The following TEX2 variants were observed in gnomAD, a reference collection of about 807,000 sequenced individuals.
TEX2 encodes testis expressed 2.
Under a neutral mutation model 106.9 loss-of-function variants are expected in TEX2, and 53 were observed. The observed-to-expected ratio is 0.50, with a 90% confidence interval of 0.40 to 0.62. TEX2 has a LOEUF of 0.62. Among genes scored for constraint, TEX2 ranks in the 20% least tolerant of loss-of-function variants. TEX2 has a pLI of 0.00. For synonymous variants in TEX2, 523 were observed against 534.8 expected (o/e 0.98, Z 0.30); for missense variants, 1,207 against 1,379.0 (o/e 0.88, Z 1.98).
intron 1 of TEX2, among the ~76,000 whole-genome samples, chr17:64,250,686 T>C (rs1162396848): frequency 6.6e-6 from 1 of 152,200 alleles, no homozygotes; most frequent in African/African-American, 2.4e-5. Context: ...CTCACTTTTT[T>C]ATTTTTTTTA....
At chr17:64,171,748 G>A (rs2031409739) in intron 6 of TEX2, among the ~76,000 whole-genome samples, 1 of 152,162 alleles carries the variant, frequency 6.6e-6, no homozygotes, top group South Asian at 2.1e-4. Flanking sequence ...GGAGGCCAAG[G>A]TGGATGGATC....
At chr17:64,212,468 G>T in intron 2 of TEX2, 106 bp downstream of exon 2, 1 of 1,055,110 alleles carries the variant, frequency 9.5e-7, no homozygotes, top group Non-Finnish European at 1.4e-6. Flanking sequence ...TAAAAAACAC[G>T]GCCTGTGCAA....
At chr17:64,170,968 C>G (rs2031365826) in intron 7 of TEX2, 132 bp downstream of exon 7, 1 of 726,896 alleles carries the variant, frequency 1.4e-6, no homozygotes, top group African/African-American at 1.8e-5. Context: ...CTGGTAAGAA[C>G]AGAAAGACAC....
At chr17:64,242,690 T>C (rs2033909652) in intron 1 of TEX2, among the ~76,000 whole-genome samples, 1 of 152,052 alleles carries the variant, frequency 6.6e-6, no homozygotes, top group Non-Finnish European at 1.5e-5. Context: ...AGGACACAAA[T>C]CCAACATATG....
chr17:64,155,088 A>G, intron 8 of TEX2, 121 bp from the exon 9 acceptor site: 1 of 1,225,356 alleles, frequency 8.2e-7, no homozygotes, highest in Non-Finnish European at 1.1e-6. Context: ...ACTGTTAACT[A>G]CATCTCGTCA....
chr17:64,218,261 C>A (rs1391693526), intron 1 of TEX2, among the ~76,000 whole-genome samples: 2 of 151,884 alleles, frequency 1.3e-5, no homozygotes, highest in African/African-American at 4.8e-5. Flanking sequence ...AAAAAAAAGT[C>A]TGAAAGGCTT....
rs112856108 is a variant in TEX2 at position 64,219,597 on chromosome 17, T to C, written c.-25-5355A>G. Among the ~76,000 whole-genome samples, 169 of 152,136 alleles carry C rather than the reference T, an allele frequency of 1.1e-3. 1 individual carries two copies. Among genetic ancestry groups the C allele is most frequent in the Non-Finnish European group, 1.9e-3 (127 of 68,006 alleles). ...GGCAAGCAGACCAGTTTTAAGGCTA[T>C]TCTGGCAGCCAAAGCATGATGTAAG... On this transcript the variant is annotated intron_variant, in intron 1 of 11. Coordinates refer to ENST00000584379, the MANE Select transcript of TEX2 (RefSeq NM_001288732.2).
rs1477779711 is a variant in TEX2 at position 64,153,786 on chromosome 17, GC to G, written c.2931-633del. Among the ~76,000 whole-genome samples the G allele has an allele frequency of 3.9e-5, 6 of 152,122 alleles. No homozygotes were observed. Among genetic ancestry groups the G allele is most frequent in the Non-Finnish European group, 5.9e-5 (4 of 68,014 alleles). On this transcript the variant is annotated intron_variant, in intron 9 of 11. Transcript: ENST00000584379. The surrounding 1 kb of genome is among the most constrained non-coding windows in gnomAD (Gnocchi z 4.1). The stretch of plus-strand genomic sequence containing the variant: ...TCTACAAAAAACAAACAGAAAATTA[GC>G]CAGGAGTGGTGGTGTGCATCTGTAG...
At chr17:64,188,606 G>A (rs1004761092) in intron 4 of TEX2, among the ~76,000 whole-genome samples, 191 bp from the exon 5 acceptor site, 1 of 152,118 alleles carries the variant, frequency 6.6e-6, no homozygotes, top group African/African-American at 2.4e-5. Flanking sequence ...CACGAGGTCA[G>A]GAGATCGAGA....
At chr17:64,209,152 A>G (rs1165309754) in intron 2 of TEX2, among the ~76,000 whole-genome samples, 5 of 152,258 alleles carry the variant, frequency 3.3e-5, no homozygotes, top group East Asian at 1.9e-4. Context: ...GGGAAGACAG[A>G]TAACAGTAAA....
chr17:64,161,504 C>T (rs1190121711), intron 7 of TEX2, among the ~76,000 whole-genome samples: 1 of 152,184 alleles, frequency 6.6e-6, no homozygotes, highest in Non-Finnish European at 1.5e-5. Context: ...TTTCTGGAAA[C>T]TGCCCACTGA....
In TEX2 at chr17:64,194,897, T is replaced by C. The variant is rs1567932871; in HGVS notation, c.1843A>G (p.Lys615Glu). 1 of 1,614,148 alleles carries C rather than the reference T, an allele frequency of 6.2e-7. No individual in the cohort carries two copies. The highest frequency in any genetic ancestry group is 1.7e-5 in the Admixed American group (1 of 60,028). Residue 615 changes from lysine (K) to glutamate (E), a missense_variant and splice_region_variant, in exon 3 of 12, where the codon AAG becomes GAG. Transcript: ENST00000584379. ...CTTCCAAAATTGCTCAGGCTCACCTTGCTGTCTGAGAGGTCATAGATTTTC... is the reference window on the plus strand; with the variant it reads ...CTTCCAAAATTGCTCAGGCTCACCTCGCTGTCTGAGAGGTCATAGATTTTC... ...SQKIYDLSDS[K>E]IYLVPKTLAR...
intron 4 of TEX2, among the ~76,000 whole-genome samples, chr17:64,192,457 A>AG (rs1325343940): frequency 6.6e-6 from 1 of 152,244 alleles, no homozygotes; most frequent in African/African-American, 2.4e-5. Flanking sequence ...CACGCAAGGA[A>AG]GGATTCTATG....
chr17:64,213,658 G>T lies in TEX2; in HGVS notation c.560C>A (p.Pro187His), dbSNP rs781896193. The change falls in exon 2 of 12, where the codon CCC becomes CAC. Residue 187 changes from proline to histidine, a missense_variant. This residue lies in a region of TEX2 where 1,067 missense variants were observed against 1,193.6 expected (regional missense o/e 0.89). Transcript: ENST00000584379. This position sits in a 1 kb window ranked among gnomAD's most constrained non-coding sequence, Gnocchi z 4.4. ...CAGGGACTTCACAAGGCTCATGAAGGGTTTTGCACTGGAAAGGGTGGAGGT... is the reference window on the plus strand; with the variant it reads ...CAGGGACTTCACAAGGCTCATGAAGTGTTTTGCACTGGAAAGGGTGGAGGT... The part of the protein sequence containing the change: ...ASTSTLSSAK[P>H]FMSLVKSLST... 3.1e-6 allele frequency: 5 copies of T among 1,614,036 alleles called. No homozygotes were observed. In the East Asian group the frequency reaches 1.1e-4, roughly 36 times the overall value.
intron 1 of TEX2, among the ~76,000 whole-genome samples, chr17:64,233,965 C>T (rs2033713479): frequency 6.6e-6 from 1 of 152,206 alleles, no homozygotes; most frequent in Admixed American, 6.5e-5. Flanking sequence ...CAACTCAGAT[C>T]CTAGGTACAG....
chr17:64,180,075 C>G (rs927579805), intron 5 of TEX2, among the ~76,000 whole-genome samples: 1 of 152,304 alleles, frequency 6.6e-6, no homozygotes, highest in South Asian at 2.1e-4. Flanking sequence ...AGGTTACTGT[C>G]TTTGAGTCCC....
chr17:64,160,468 T>C (rs996905645), intron 8 of TEX2, among the ~76,000 whole-genome samples: 1 of 152,296 alleles, frequency 6.6e-6, no homozygotes, highest in South Asian at 2.1e-4. Flanking sequence ...ACCGGAAGGA[T>C]CTTCATGATT....
intron 6 of TEX2, 64 bp downstream of exon 6, chr17:64,177,261 G>T: frequency 6.3e-7 from 1 of 1,592,332 alleles, no homozygotes; most frequent in Non-Finnish European, 8.6e-7. Context: ...GGACATAAGG[G>T]TACAAAATTT....
chr17:64,262,195 G>A (rs942979952), intron 1 of TEX2, among the ~76,000 whole-genome samples: 1 of 152,186 alleles, frequency 6.6e-6, no homozygotes, highest in Non-Finnish European at 1.5e-5. Context: ...TGCCCTCAAG[G>A]AGCCCACAAT....
Sources: allele counts gnomAD v4.1 joint callset (sites outside exome capture counted in the v4.1 genomes callset), GRCh38; gene constraint gnomAD v4.1.1; regional missense constraint gnomAD v4.1.1; non-coding constraint Gnocchi (gnomAD v3.1); transcripts MANE v1.5; gene names NCBI Gene and HGNC (gene_info 2026-07-23, HGNC 2026-07-21).